ESRRA: variants seen among roughly 807,000 people sequenced by gnomAD.
ESRRA encodes the protein estrogen related receptor alpha.
A neutral mutation model predicts 35.6 loss-of-function variants in ESRRA; 7 were observed. The observed-to-expected ratio is 0.20, with a 90% confidence interval of 0.11 to 0.37. ESRRA has a LOEUF of 0.37. Among genes scored for constraint, ESRRA ranks in the 10% least tolerant of loss-of-function variants. The probability of loss-of-function intolerance (pLI) is 1.00; values close to 1 mark genes in which losing one functional copy is unlikely to be tolerated. For synonymous variants in ESRRA, 223 were observed against 246.9 expected, an observed-to-expected ratio of 0.90 and a Z score of 0.91; for missense variants, 378 against 561.7, an observed-to-expected ratio of 0.67 and a Z score of 3.31.
intron 2 of ESRRA, among the ~76,000 whole-genome samples, chr11:64,310,330 G>T (rs561161463): frequency 3.3e-5 from 5 of 151,320 alleles, no homozygotes; most frequent in Non-Finnish European, 5.9e-5. Context: ...CGCCTCCCGG[G>T]TTCACACCAT....
Position 64,313,986 on chromosome 11 carries a change from T to A in ESRRA, c.361T>A (p.Cys121Ser), listed in dbSNP as rs1341191855. 6.3e-7 allele frequency: 1 copy of A among 1,583,144 alleles called. No individual in the cohort carries two copies. The highest frequency in any genetic ancestry group is 2.3e-5 in the East Asian group (1 of 43,384). The change falls in exon 3 of 7, where the codon TGT (cysteine) becomes AGT (serine). Residue 121 changes from cysteine (C) to serine (S), a missense_variant. Transcript: ENST00000000442. The surrounding 1 kb of genome is among the most constrained non-coding windows in gnomAD (Gnocchi z 4.0). ...GTACAGCTGTCCGGCCTCCAACGAGTGTGAGATCACCAAGCGGAGACGCAA... is the reference window on the plus strand; with the variant it reads ...GTACAGCTGTCCGGCCTCCAACGAGAGTGAGATCACCAAGCGGAGACGCAA... ...IEYSCPASNE[C>S]EITKRRRKAC... is the part of the protein sequence containing the mutation.
Position 64,316,456 on chromosome 11 carries a change from C to G in ESRRA, c.*490C>G, listed in dbSNP as rs1360745929. 1.4e-5 allele frequency: 3 copies of G among 209,066 alleles called. No individual in the cohort carries two copies. The highest frequency in any genetic ancestry group is 7.0e-5 in the African/African-American group (3 of 42,798). 13.0% of individuals were successfully genotyped at this position (209,066 alleles called of 1,614,324 possible). On this transcript the variant is annotated 3_prime_UTR_variant, in exon 7 of 7. Transcript: ENST00000000442. The stretch of plus-strand genomic sequence containing the variant: ...AGTGTCCCCCCTTGAAGCAATAACT[C>G]CAAGCAGACTCCAGCCCCTGGACCC...
rs1223497613 is a variant in ESRRA, at chr11:64,314,252, C to T, written c.456C>T (p.Asp152=). 9 of 1,610,956 alleles carry T rather than the reference C, an allele frequency of 5.6e-6. No homozygotes were observed. The highest frequency in any genetic ancestry group is 1.3e-5 in the African/African-American group (1 of 74,876). The part of the protein sequence containing the change: ...VGMLKEGVRL[D]RVRGGRQKYK... Reference sequence around the variant, plus strand: ...CCACAATTCAAGGAGTGCGCCTGGACCGCGTCCGGGGTGGGCGGCAGAAGT... The same window carrying T: ...CCACAATTCAAGGAGTGCGCCTGGATCGCGTCCGGGGTGGGCGGCAGAAGT... The change falls in exon 4 of 7, where the codon GAC becomes GAT. Residue 152 remains aspartate (D), a synonymous_variant. Coordinates refer to ENST00000000442, the MANE Select transcript of ESRRA (RefSeq NM_004451.5).
At position 64,313,867 on chromosome 11, in the gene ESRRA, C is replaced by T. The variant is rs766629699; in HGVS notation, c.326-84C>T. 7.2e-5 allele frequency: 66 copies of T among 918,022 alleles called. No homozygotes were observed. Among genetic ancestry groups the T allele is most frequent in the Middle Eastern group, 3.4e-4 (1 of 2,920 alleles). The allele number at this position is 918,022 out of a possible 1,614,324, so 56.9% of individuals were successfully genotyped here. Reference sequence around the variant, plus strand: ...CCATACCCCCAGACCTGTGCTTGCCCGGGGAGAGTCAGGGCTCTCCTGTCA... The same window carrying T: ...CCATACCCCCAGACCTGTGCTTGCCTGGGGAGAGTCAGGGCTCTCCTGTCA... On this transcript the variant is annotated intron_variant, in intron 2 of 6. Transcript: ENST00000000442. This position sits in a 1 kb window ranked among gnomAD's most constrained non-coding sequence, Gnocchi z 4.0.
intron 3 of ESRRA, 85 bp from the exon 4 acceptor site, chr11:64,314,154 G>C: frequency 6.4e-7 from 1 of 1,555,952 alleles, no homozygotes; most frequent in Non-Finnish European, 8.7e-7. Context: ...TCTGGTGAGT[G>C]GACTCGGGGA....
chr11:64,316,629 C>A lies in ESRRA; in HGVS notation c.*663C>A. ...GCAGGGACATGGGGCAAGCCAGGGCCCAGAGCCCTTGGCTGTACAGAGACT... is the reference window on the plus strand; with the variant it reads ...GCAGGGACATGGGGCAAGCCAGGGCACAGAGCCCTTGGCTGTACAGAGACT... On this transcript the variant is annotated 3_prime_UTR_variant, in exon 7 of 7. Coordinates refer to ENST00000000442, the MANE Select transcript of ESRRA (RefSeq NM_004451.5). 1 of 512,560 alleles carries A rather than the reference C, an allele frequency of 2.0e-6. No individual in the cohort carries two copies. The highest frequency in any genetic ancestry group is 2.3e-5 in the South Asian group (1 of 43,332). 31.8% of individuals were successfully genotyped at this position (512,560 alleles called of 1,614,324 possible).
At chr11:64,306,012 C>T (rs1245956244) in intron 1 of ESRRA, among the ~76,000 whole-genome samples, 1 of 152,066 alleles carries the variant, frequency 6.6e-6, no homozygotes, top group East Asian at 1.9e-4. Flanking sequence ...CAGCCCGCTC[C>T]GGGGCAGGGT....
In ESRRA at chr11:64,316,211, CAG is replaced by C; in HGVS notation, c.*248_*249del. The C allele has an allele frequency of 2.1e-6, 1 of 477,294 alleles. No individual in the cohort carries two copies. Among genetic ancestry groups the C allele is most frequent in the South Asian group, 3.4e-5 (1 of 29,094 alleles). 29.6% of individuals were successfully genotyped at this position (477,294 alleles called of 1,614,324 possible). A position where few individuals can be genotyped will look rare whatever the true frequency, so the allele number is the denominator to read the frequency against. ...CCCCTTGCAAGCCATAACGTGCCCC[CAG>C]AGTGTAGGGGGCCTTGCGGAAGCCA... On this transcript the variant is annotated 3_prime_UTR_variant, in exon 7 of 7. Coordinates refer to ENST00000000442, the MANE Select transcript of ESRRA (RefSeq NM_004451.5).
rs767697785 is a variant in ESRRA, at chr11:64,315,852, G to A, written c.1158G>A (p.Pro386=). 3.0e-5 allele frequency: 49 copies of A among 1,611,082 alleles called. No homozygotes were observed. Among genetic ancestry groups the A allele is most frequent in the East Asian group, 4.5e-5 (2 of 44,838 alleles). ...CGGGCAGGCTGCTGCTCACGCTACC[G>A]CTCCTCCGCCAGACAGCGGGCAAAG... ...RRAGRLLLTL[P]LLRQTAGKVL... Residue 386 remains proline, a synonymous_variant, in exon 7 of 7, where the codon CCG becomes CCA. Coordinates refer to ENST00000000442, the MANE Select transcript of ESRRA (RefSeq NM_004451.5).
Position 64,315,260 on chromosome 11 carries a change from T to G in ESRRA, c.1002T>G (p.Leu334=). 6.4e-7 allele frequency: 1 copy of G among 1,561,024 alleles called. No individual in the cohort carries two copies. The highest frequency in any genetic ancestry group is 8.7e-7 in the Non-Finnish European group (1 of 1,150,390). ...ATGTTCTACTAAAGGCCTTGGCCCT[T>G]GCCAATTCAGGTGAGTCTGGGGCAG... ...EEYVLLKALA[L]ANSDSVHIED... Residue 334 remains leucine, a synonymous_variant, in exon 6 of 7, where the codon CTT becomes CTG. Transcript: ENST00000000442.
chr11:64,314,981 C>T lies in ESRRA; in HGVS notation c.743-20C>T, dbSNP rs562568536. 138 of 1,586,544 alleles carry T rather than the reference C, an allele frequency of 8.7e-5. No homozygotes were observed. The East Asian group carries it at 2.7e-3, about 31-fold the overall frequency. ...TCTGGTGCGCTTGCTCAGCCAGGCC[C>T]GCTCCCCGCTGCCCCCTAGGCTTCT... On this transcript the variant is annotated intron_variant, in intron 5 of 6. Coordinates refer to ENST00000000442, the MANE Select transcript of ESRRA (RefSeq NM_004451.5).
rs561379177 is a variant in ESRRA, at chr11:64,316,541, C to A, written c.*575C>A. The A allele has an allele frequency of 3.4e-4, 95 of 281,336 alleles. 2 individuals carry two copies. The South Asian group carries it at 3.7e-3, about 11-fold the overall frequency. The allele number at this position is 281,336 out of a possible 1,614,324, so 17.4% of individuals were successfully genotyped here. On this transcript the variant is annotated 3_prime_UTR_variant, in exon 7 of 7. Transcript: ENST00000000442. Reference sequence around the variant, plus strand: ...CGAGCCTCCTCAGGGGGTAGGAGAGCACTGCCTCTATGCCCTGCAGAGCAA... The same window carrying A: ...CGAGCCTCCTCAGGGGGTAGGAGAGAACTGCCTCTATGCCCTGCAGAGCAA...
At chr11:64,309,077 C>G (rs2035090795) in intron 2 of ESRRA, among the ~76,000 whole-genome samples, 1 of 151,630 alleles carries the variant, frequency 6.6e-6, no homozygotes, top group Non-Finnish European at 1.5e-5. Flanking sequence ...CGCCATTGCA[C>G]TCTAGCCTGC....
chr11:64,316,009 A>C lies in ESRRA; in HGVS notation c.*43A>C, dbSNP rs745402851. The C allele has an allele frequency of 1.3e-6, 2 of 1,533,206 alleles. No homozygotes were observed. Among genetic ancestry groups the C allele is most frequent in the Non-Finnish European group, 8.8e-7 (1 of 1,136,372 alleles). 95.0% of individuals were successfully genotyped at this position (1,533,206 alleles called of 1,614,324 possible). ...GTGGGGGTTCTGGCAGGACCTGCCT[A>C]GCATGGGGTCAGCCCCAAGGGCTGG... On this transcript the variant is annotated 3_prime_UTR_variant, in exon 7 of 7. Coordinates refer to ENST00000000442, the MANE Select transcript of ESRRA (RefSeq NM_004451.5).
intron 2 of ESRRA, among the ~76,000 whole-genome samples, chr11:64,308,119 T>C (rs2035069993): frequency 6.6e-6 from 1 of 151,302 alleles, no homozygotes; most frequent in African/African-American, 2.4e-5. Context: ...CTGGAATTCC[T>C]GACCACAAAT....
chr11:64,314,581 G>A (rs1591245097), intron 4 of ESRRA, among the ~76,000 whole-genome samples, 160 bp from the exon 5 acceptor site: 1 of 152,156 alleles, frequency 6.6e-6, no homozygotes, highest in Non-Finnish European at 1.5e-5. Flanking sequence ...ACAAACACAC[G>A]GGCTTTCCCT....
At chr11:64,309,058 C>T (rs1367039144) in intron 2 of ESRRA, among the ~76,000 whole-genome samples, 2 of 151,962 alleles carry the variant, frequency 1.3e-5, no homozygotes, top group East Asian at 1.9e-4. Flanking sequence ...TTGCAATGAG[C>T]CCAGATCGCG....
chr11:64,309,681 C>T (rs1489780188), intron 2 of ESRRA, among the ~76,000 whole-genome samples: 7 of 149,408 alleles, frequency 4.7e-5, no homozygotes, highest in Non-Finnish European at 8.9e-5. Context: ...CACCTGTAAT[C>T]TCAGCACTTT....
chr11:64,315,547 C>G (rs1228429636), intron 6 of ESRRA, among the ~76,000 whole-genome samples, 160 bp from the exon 7 acceptor site: 1 of 152,192 alleles, frequency 6.6e-6, no homozygotes, highest in African/African-American at 2.4e-5. Flanking sequence ...GGGTGGGGTC[C>G]TGGCCCACGA....
Sources: gnomAD v4.1 joint callset for allele counts (sites outside exome capture counted in the v4.1 genomes callset) on GRCh38, gnomAD v4.1.1 for gene constraint, Gnocchi (gnomAD v3.1) non-coding constraint, MANE v1.5 for transcripts, NCBI Gene and HGNC (gene_info 2026-07-23, HGNC 2026-07-21) for gene names.